The following ADAM22 variants were observed in gnomAD, a reference collection of about 807,000 sequenced individuals.
ADAM22 encodes the protein disintegrin and metalloproteinase domain-containing protein 22.
A neutral mutation model predicts 144.6 loss-of-function variants in ADAM22; 65 were observed. The observed-to-expected ratio is 0.45, with a 90% CI of 0.37 to 0.55. The LOEUF is 0.55. Ranked by LOEUF, ADAM22 falls within the 20% of genes least tolerant of loss-of-function variation. ADAM22 has a pLI of 0.00. For missense variants in ADAM22, 974 were observed against 1,184.9 expected (o/e 0.82, Z 2.61); for synonymous variants, 391 against 412.6 (o/e 0.95, Z 0.63).
rs1041744229 is a variant in ADAM22 at position 88,200,354 on chromosome 7, G to A, written c.*3863G>A. The A allele has an allele frequency of 6.6e-5, 10 of 152,172 alleles. No individual in the cohort carries two copies. The highest frequency in any genetic ancestry group is 2.4e-4 in the African/African-American group (10 of 41,442). 9.4% of individuals were successfully genotyped at this position (152,172 alleles called of 1,614,324 possible). ...TTAAAGGAAAGAGAATTTATTGGCA[G>A]GATATTGAGTAGCTTGTAGAGTATA... On this transcript the variant is annotated 3_prime_UTR_variant, in exon 32 of 32. Transcript: ENST00000413139.
intron 30 of ADAM22, among the ~76,000 whole-genome samples, chr7:88,190,687 A>G (rs943136976): frequency 3.3e-5 from 5 of 152,200 alleles, no homozygotes; most frequent in African/African-American, 1.2e-4. Flanking sequence ...TAAAGGTCAG[A>G]AAAGAGCCTG....
chr7:87,972,053 A>G (rs1850594369), intron 2 of ADAM22, among the ~76,000 whole-genome samples: 1 of 152,152 alleles, frequency 6.6e-6, no homozygotes, highest in African/African-American at 2.4e-5. Context: ...CACCACTCCT[A>G]TTCAACATAG....
chr7:88,164,454 C>A (rs1842497768), intron 23 of ADAM22, among the ~76,000 whole-genome samples: 1 of 151,882 alleles, frequency 6.6e-6, no homozygotes, highest in African/African-American at 2.4e-5. Context: ...TAACTTACAG[C>A]AACTCTATAT....
At chr7:87,963,552 A>G (rs187979216) in intron 2 of ADAM22, among the ~76,000 whole-genome samples, 45 of 152,326 alleles carry the variant, frequency 3.0e-4, no homozygotes, top group Admixed American at 2.6e-3. Flanking sequence ...CAGCATGTCA[A>G]ATGTACAGAA....
intron 9 of ADAM22, among the ~76,000 whole-genome samples, chr7:88,129,110 A>G (rs910642227): frequency 1.6e-4 from 24 of 152,170 alleles, no homozygotes; most frequent in African/African-American, 4.8e-4. Flanking sequence ...TGCAGAAATC[A>G]TATGGAAATG....
chr7:88,023,113 G>GTC (rs992674077), intron 3 of ADAM22, among the ~76,000 whole-genome samples: 2 of 152,072 alleles, frequency 1.3e-5, no homozygotes, highest in African/African-American at 4.8e-5. Context: ...TTGTTTCGTG[G>GTC]TCTTCTCTTC....
At chr7:88,060,482 T>A (rs1809479042) in intron 3 of ADAM22, among the ~76,000 whole-genome samples, 1 of 152,156 alleles carries the variant, frequency 6.6e-6, no homozygotes, top group Non-Finnish European at 1.5e-5. Flanking sequence ...AAAAATACAC[T>A]GTTTTTGGCT....
intron 3 of ADAM22, among the ~76,000 whole-genome samples, chr7:88,031,564 C>T (rs1800269809): frequency 6.6e-6 from 1 of 152,212 alleles, no homozygotes; most frequent in Admixed American, 6.5e-5. Context: ...TTTAGGGTAT[C>T]TGGTGGACAA....
At chr7:87,998,981 A>G (rs1444916971) in intron 3 of ADAM22, among the ~76,000 whole-genome samples, 1 of 152,196 alleles carries the variant, frequency 6.6e-6, no homozygotes, top group Non-Finnish European at 1.5e-5. Flanking sequence ...TTACCTTTCT[A>G]AAATTAAACA....
At chr7:88,160,131 T>C (rs1841170256) in intron 22 of ADAM22, among the ~76,000 whole-genome samples, 1 of 151,982 alleles carries the variant, frequency 6.6e-6, no homozygotes, top group East Asian at 1.9e-4. Flanking sequence ...GAGGGTCAAA[T>C]CAGGAATGCA....
intron 2 of ADAM22, among the ~76,000 whole-genome samples, chr7:87,963,507 A>T (rs1848425837): frequency 6.6e-6 from 1 of 152,212 alleles, no homozygotes; most frequent in African/African-American, 2.4e-5. Context: ...TGTAAAAAAG[A>T]ATCAAGATAT....
At chr7:88,035,092 C>T (rs926805758) in intron 3 of ADAM22, among the ~76,000 whole-genome samples, 2 of 152,182 alleles carry the variant, frequency 1.3e-5, no homozygotes, top group African/African-American at 4.8e-5. Context: ...ATTTGGCCAT[C>T]TTGCCCTGCC....
chr7:88,144,032 C>T (rs772028473), intron 15 of ADAM22, among the ~76,000 whole-genome samples: 2 of 152,116 alleles, frequency 1.3e-5, no homozygotes, highest in Non-Finnish European at 2.9e-5. Context: ...GATAAGTTTC[C>T]ATTTTTGCTG....
chr7:88,020,964 C>T (rs1350211253), intron 3 of ADAM22, among the ~76,000 whole-genome samples: 4 of 152,068 alleles, frequency 2.6e-5, no homozygotes. Flanking sequence ...ACTCTAGAGT[C>T]AGAAACCCCT....
chr7:87,942,936 A>G (rs541281989), intron 2 of ADAM22, among the ~76,000 whole-genome samples: 1 of 152,236 alleles, frequency 6.6e-6, no homozygotes, highest in Non-Finnish European at 1.5e-5. Flanking sequence ...TAGAACTAGC[A>G]GTACCAGAGT....
chr7:88,049,237 C>T (rs1805518452), intron 3 of ADAM22, among the ~76,000 whole-genome samples: 1 of 152,204 alleles, frequency 6.6e-6, no homozygotes, highest in Admixed American at 6.5e-5. Context: ...ACTTTTCTCA[C>T]TTGTAAAATG....
intron 3 of ADAM22, among the ~76,000 whole-genome samples, chr7:87,979,260 G>A (rs1852699183): frequency 6.6e-6 from 1 of 152,188 alleles, no homozygotes; most frequent in Non-Finnish European, 1.5e-5. Context: ...CTAGATGGAA[G>A]TTAATTTAAA....
At chr7:88,124,133 G>T (rs1829894417) in intron 7 of ADAM22, among the ~76,000 whole-genome samples, 1 of 151,416 alleles carries the variant, frequency 6.6e-6, no homozygotes, top group Non-Finnish European at 1.5e-5. Flanking sequence ...TAGTTAAATT[G>T]GTTGATAGTG....
At chr7:88,070,311 T>C (rs1812388153) in intron 3 of ADAM22, among the ~76,000 whole-genome samples, 1 of 152,170 alleles carries the variant, frequency 6.6e-6, no homozygotes, top group South Asian at 2.1e-4. Context: ...TACAAGATAC[T>C]TAGAAACTCT....
Sources: gnomAD v4.1 joint callset for allele counts (sites outside exome capture counted in the v4.1 genomes callset) on GRCh38, gnomAD v4.1.1 for gene constraint, MANE v1.5 for transcripts, NCBI Gene and HGNC (gene_info 2026-07-23, HGNC 2026-07-21) for gene names.